Variants in TYW1B observed in about 807,000 individuals in gnomAD.
TYW1B encodes the protein tRNA-yW synthesizing protein 1 homolog B.
In TYW1B, 73 loss-of-function variants were observed where a neutral mutation model predicts 86.9. That is an observed-to-expected ratio of 0.84 (90% CI 0.70 to 1.02). The LOEUF (loss-of-function observed/expected upper bound fraction) is 1.02, where lower values mean the gene tolerates loss of function less well. Ranked by LOEUF, TYW1B falls within the 50% of genes least tolerant of loss-of-function variation. The pLI, the probability that TYW1B is intolerant of heterozygous loss-of-function variation, is 0.00. For synonymous variants in TYW1B, 248 were observed against 292.8 expected, an observed-to-expected ratio of 0.85 and a Z score of 1.56; for missense variants, 637 against 827.4, an observed-to-expected ratio of 0.77 and a Z score of 2.82.
At chr7:72,703,958 C>T (rs569983448) in intron 10 of TYW1B, among the ~76,000 whole-genome samples, 3 of 89,642 alleles carry the variant, frequency 3.3e-5, no homozygotes, top group African/African-American at 4.8e-5. Context: ...TTGTTAACTC[C>T]ATTGTTCAAA....
intron 11 of TYW1B, among the ~76,000 whole-genome samples, chr7:72,632,269 ATATATATATATACGTGT>A (rs1563038283): frequency 2.9e-5 from 3 of 103,572 alleles, no homozygotes; most frequent in African/African-American, 1.5e-4. Context: ...CAAAAAATAT[ATATATATATATACGTGT>A]ATATATATAT....
chr7:72,650,853 C>T (rs1813039784), intron 11 of TYW1B, among the ~76,000 whole-genome samples: 1 of 152,084 alleles, frequency 6.6e-6, no homozygotes, highest in African/African-American at 2.4e-5. Context: ...AGTGACAGGA[C>T]AGGCAATTTT....
intron 11 of TYW1B, among the ~76,000 whole-genome samples, chr7:72,684,804 CAGGATTATTTTGTTA>C (rs1484347509): frequency 6.6e-6 from 1 of 151,906 alleles, no homozygotes; most frequent in East Asian, 1.9e-4. Flanking sequence ...AGGGAAGAAT[CAGGATTATTTTGTTA>C]TTGTAAGGAG....
At chr7:72,632,398 ATAATAT>A (rs1407100549) in intron 11 of TYW1B, among the ~76,000 whole-genome samples, 1 of 100,806 alleles carries the variant, frequency 9.9e-6, no homozygotes, top group African/African-American at 5.7e-5. Context: ...GTATATATAT[ATAATAT>A]ATATATACAT....
chr7:72,585,969 T>C (rs777757661), intron 13 of TYW1B, among the ~76,000 whole-genome samples: 102 of 152,080 alleles, frequency 6.7e-4, no homozygotes, highest in Non-Finnish European at 1.2e-3. Context: ...GAATGAGAAA[T>C]TGTGAAACGA....
chr7:72,688,543 T>G (rs1390339648), intron 11 of TYW1B, among the ~76,000 whole-genome samples: 2 of 152,198 alleles, frequency 1.3e-5, no homozygotes, highest in African/African-American at 4.8e-5. Context: ...ACCAATATCT[T>G]TATCAAATTC....
chr7:72,787,808 T>TC (rs11314410), intron 6 of TYW1B, among the ~76,000 whole-genome samples: 104,200 of 151,750 alleles, frequency 0.69, 36,698 homozygotes, highest in Non-Finnish European at 0.77. Context: ...AATAAAATGC[T>TC]CATTTCAATG....
intron 9 of TYW1B, among the ~76,000 whole-genome samples, chr7:72,715,935 G>C (rs1287586287): frequency 2.6e-5 from 4 of 152,022 alleles, no homozygotes; most frequent in African/African-American, 4.8e-5. Flanking sequence ...TTGTTTGTTT[G>C]TTTGTTTGTT....
intron 10 of TYW1B, among the ~76,000 whole-genome samples, chr7:72,703,005 TATATATATATATATA>T (rs1814513264): frequency 3.8e-5 from 1 of 26,426 alleles, no homozygotes; most frequent in African/African-American, 1.2e-4. Context: ...TATATATATA[TATATATATATATATA>T]TATATATTTT....
At chr7:72,701,065 GA>G (rs1172098261) in intron 10 of TYW1B, among the ~76,000 whole-genome samples, 118 of 135,466 alleles carry the variant, frequency 8.7e-4, no homozygotes, top group African/African-American at 2.9e-3. Context: ...TTCCATCTCA[GA>G]AAAAAAAAAA....
rs1813448413 is a variant in TYW1B, at chr7:72,665,772, T to C, written c.1506+28915A>G. 3.9e-5 allele frequency among the ~76,000 whole-genome samples: 6 copies of C among 152,232 alleles called. No homozygotes were observed. The South Asian group carries it at 1.2e-3, about 31-fold the overall frequency. ...CAGGGGCCTTATCTGCCTATTTGCT[T>C]GTCCTCAGAAGCTAGAAGAATCTTT... On this transcript the variant is annotated intron_variant, in intron 11 of 13. Transcript: ENST00000620995.
At chr7:72,742,215 C>T (rs191761663) in intron 8 of TYW1B, among the ~76,000 whole-genome samples, 8 of 152,260 alleles carry the variant, frequency 5.3e-5, no homozygotes, top group African/African-American at 1.9e-4. Flanking sequence ...TTGCAACCTC[C>T]ACCTCCCAGG....
intron 11 of TYW1B, among the ~76,000 whole-genome samples, chr7:72,682,194 G>T (rs1198041979): frequency 4.6e-5 from 7 of 151,114 alleles, no homozygotes; most frequent in Non-Finnish European, 8.8e-5. Flanking sequence ...TACTTATATA[G>T]AAAGATATGA....
intron 6 of TYW1B, among the ~76,000 whole-genome samples, chr7:72,796,216 G>A (rs1370159928): frequency 5.1e-5 from 3 of 58,964 alleles, no homozygotes; most frequent in African/African-American, 1.5e-4. Flanking sequence ...TACACAACAC[G>A]CCTCCTGTTT....
intron 7 of TYW1B, among the ~76,000 whole-genome samples, chr7:72,758,340 A>AAAAC (rs561806628): frequency 3.3e-5 from 5 of 152,142 alleles, no homozygotes; most frequent in African/African-American, 7.2e-5. Context: ...TGTCTCTTAA[A>AAAAC]AAACAAACAA....
At position 72,738,047 on chromosome 7, in the gene TYW1B, T is replaced by C. The variant is rs190550427; in HGVS notation, c.1082+6437A>G. On this transcript the variant is annotated intron_variant, in intron 8 of 13. Coordinates refer to ENST00000620995, the MANE Select transcript of TYW1B (RefSeq NM_001145440.3). ...CCTCAGCCTCCCAAAGTGCTGGGAT[T>C]ACAGGCGTGAGCCACCGCGCCTGGC... is the stretch of plus-strand genomic sequence containing the variant. Among the ~76,000 whole-genome samples the C allele has an allele frequency of 1.1e-4, 16 of 151,176 alleles. 1 individual carries two copies. Among genetic ancestry groups the C allele is most frequent in the Admixed American group, 4.0e-4 (6 of 15,094 alleles).
intron 13 of TYW1B, among the ~76,000 whole-genome samples, chr7:72,602,523 C>A (rs1231491982): frequency 1.3e-5 from 2 of 152,068 alleles, no homozygotes; most frequent in Non-Finnish European, 2.9e-5. Context: ...GCATACCTTC[C>A]CCAGAGCTTG....
chr7:72,575,247 C>T lies in TYW1B; in HGVS notation c.*251G>A, dbSNP rs188723140. On this transcript the variant is annotated 3_prime_UTR_variant, in exon 14 of 14. Transcript: ENST00000620995. ...TTCTAATCACGACTGTGTAGTTCCT[C>T]CCCAAAATAATTTTCCTCTTAGAAG... is the stretch of plus-strand genomic sequence containing the variant. 1 of 1,333,862 alleles carries T rather than the reference C, an allele frequency of 7.5e-7. No individual in the cohort carries two copies. The highest frequency in any genetic ancestry group is 3.0e-5 in the East Asian group (1 of 33,088). The allele number at this position is 1,333,862 out of a possible 1,614,324, so 82.6% of individuals were successfully genotyped here.
chr7:72,667,588 C>T (rs1209733090), intron 11 of TYW1B, among the ~76,000 whole-genome samples: 1 of 151,844 alleles, frequency 6.6e-6, no homozygotes, highest in Non-Finnish European at 1.5e-5. Flanking sequence ...GTGACACAGG[C>T]CTGTAGTCCC....
Sources: allele counts gnomAD v4.1 joint callset (sites outside exome capture counted in the v4.1 genomes callset), GRCh38; gene constraint gnomAD v4.1.1; transcripts MANE v1.5; gene names NCBI Gene and HGNC (gene_info 2026-07-23, HGNC 2026-07-21).